Variants in RANBP2 observed in about 807,000 individuals in gnomAD.
RANBP2 encodes RAN binding protein 2, also known as E3 SUMO-protein ligase RanBP2.
In RANBP2, 57 loss-of-function variants were observed where a neutral mutation model predicts 303.6. The ratio of observed to expected loss-of-function variants is 0.19; its 90% CI spans 0.15 to 0.23. RANBP2 has a LOEUF of 0.23. Ranked by LOEUF, RANBP2 falls within the 10% of genes least tolerant of loss-of-function variation. RANBP2 has a pLI of 1.00. For synonymous variants in RANBP2, 1,167 were observed against 1,301.5 expected (o/e 0.90, Z 2.23); for missense variants, 3,138 against 3,780.8 (o/e 0.83, Z 4.46).
intron 26 of RANBP2, among the ~76,000 whole-genome samples, chr2:108,781,813 A>G (rs1678274588): frequency 6.6e-6 from 1 of 152,174 alleles, no homozygotes; most frequent in African/African-American, 2.4e-5. Flanking sequence ...TCATTTTTTA[A>G]CCTCAGTCAG....
rs149754019 is a variant in RANBP2, at chr2:108,740,512, T to C, written c.806T>C (p.Val269Ala). The change falls in exon 7 of 29, where the codon GTG (valine) becomes GCG (alanine). Residue 269 changes from valine to alanine, a missense_variant. Transcript: ENST00000283195. Reference sequence around the variant, plus strand: ...AGTTTTGATAGTGCTCTTCAGTCTGTGAAATCTTTGGGTGGAAATGATGAA... The same window carrying C: ...AGTTTTGATAGTGCTCTTCAGTCTGCGAAATCTTTGGGTGGAAATGATGAA... ...LQSFDSALQS[V>A]KSLGGNDELS... 31 of 1,597,354 alleles carry C rather than the reference T, an allele frequency of 1.9e-5. No homozygotes were observed. The highest frequency in any genetic ancestry group is 2.7e-5 in the African/African-American group (2 of 74,888).
chr2:109,048,860 C>A, the RANBP2 span, among the ~76,000 whole-genome samples: 1 of 152,186 alleles, frequency 6.6e-6, no homozygotes, highest in African/African-American at 2.4e-5. Flanking sequence ...CATGAAAACA[C>A]AGCTGAAGAG....
the RANBP2 span, among the ~76,000 whole-genome samples, chr2:109,387,338 C>T: frequency 6.6e-6 from 1 of 152,328 alleles, no homozygotes; most frequent in East Asian, 1.9e-4. Flanking sequence ...CTGTAGAGCC[C>T]TCCGGTTCCC....
chr2:109,116,348 C>T, the RANBP2 span, among the ~76,000 whole-genome samples: 2 of 152,078 alleles, frequency 1.3e-5, no homozygotes, highest in Non-Finnish European at 2.9e-5. Context: ...TCTTTTTTCT[C>T]TAAACTTCCC....
the RANBP2 span, among the ~76,000 whole-genome samples, chr2:108,836,419 G>A: frequency 6.6e-6 from 1 of 152,130 alleles, no homozygotes; most frequent in Non-Finnish European, 1.5e-5. Context: ...AGATATTTGG[G>A]CAGCTACCAT....
chr2:109,048,018 G>T, the RANBP2 span, among the ~76,000 whole-genome samples: 1 of 152,194 alleles, frequency 6.6e-6, no homozygotes, highest in Non-Finnish European at 1.5e-5. Context: ...TACTCCTCCT[G>T]CCGTTACTTC....
At chr2:109,139,472 G>A in the RANBP2 span, among the ~76,000 whole-genome samples, 3 of 152,272 alleles carry the variant, frequency 2.0e-5, no homozygotes, top group South Asian at 4.1e-4. Flanking sequence ...TATCCTGAGC[G>A]GCATCCCCCT....
At chr2:109,246,826 C>T in the RANBP2 span, among the ~76,000 whole-genome samples, 1 of 152,154 alleles carries the variant, frequency 6.6e-6, no homozygotes, top group Admixed American at 6.5e-5. Context: ...AGCTCATCCA[C>T]GTGCTTCTGT....
At chr2:108,943,430 C>T in the RANBP2 span, among the ~76,000 whole-genome samples, 1 of 152,194 alleles carries the variant, frequency 6.6e-6, no homozygotes, top group Non-Finnish European at 1.5e-5. Flanking sequence ...GATTAAACTG[C>T]AATCACACCG....
the RANBP2 span, chr2:109,501,842 C>T: frequency 5.1e-6 from 3 of 585,410 alleles, no homozygotes; most frequent in Non-Finnish European, 9.1e-6. Flanking sequence ...GTCGTGCCTT[C>T]TCCCAAAACC....
the RANBP2 span, among the ~76,000 whole-genome samples, chr2:109,697,601 C>T: frequency 1.3e-5 from 2 of 151,592 alleles, no homozygotes; most frequent in South Asian, 4.2e-4. Context: ...TGTCATTTTG[C>T]AAAATTCAAA....
At chr2:109,269,924 G>A in the RANBP2 span, among the ~76,000 whole-genome samples, 7 of 152,200 alleles carry the variant, frequency 4.6e-5, no homozygotes, top group East Asian at 1.9e-4. Flanking sequence ...AAAGCAAAAC[G>A]TAACTACTAC....
chr2:109,067,379 G>T, the RANBP2 span, among the ~76,000 whole-genome samples: 2 of 152,346 alleles, frequency 1.3e-5, no homozygotes, highest in African/African-American at 4.8e-5. Flanking sequence ...CGCCTCCAAA[G>T]ATAGCTACTG....
chr2:108,805,412 A>T, the RANBP2 span, among the ~76,000 whole-genome samples: 1 of 152,130 alleles, frequency 6.6e-6, no homozygotes, highest in Non-Finnish European at 1.5e-5. Context: ...CTGGTATCAC[A>T]TTGCAGTATA....
the RANBP2 span, among the ~76,000 whole-genome samples, chr2:109,305,318 G>A: frequency 2.0e-5 from 3 of 152,098 alleles, no homozygotes; most frequent in East Asian, 5.8e-4. Context: ...TTCCCTGAGA[G>A]GATGAAGCGC....
At chr2:109,349,023 C>G in the RANBP2 span, among the ~76,000 whole-genome samples, 1 of 151,992 alleles carries the variant, frequency 6.6e-6, no homozygotes, top group Non-Finnish European at 1.5e-5. Context: ...CAGTATTTCT[C>G]TCTCTCTCTC....
the RANBP2 span, among the ~76,000 whole-genome samples, chr2:108,824,381 G>A: frequency 6.7e-5 from 10 of 150,326 alleles, no homozygotes; most frequent in African/African-American, 1.2e-4. Context: ...TTACTTTCTC[G>A]ACTATTCTGT....
At chr2:109,695,236 C>T in the RANBP2 span, among the ~76,000 whole-genome samples, 23 of 152,150 alleles carry the variant, frequency 1.5e-4, 1 homozygote, top group East Asian at 4.4e-3. Flanking sequence ...ATATTGGCTG[C>T]TTTAAAACCC....
the RANBP2 span, among the ~76,000 whole-genome samples, chr2:108,877,555 A>C: frequency 6.6e-6 from 1 of 151,828 alleles, no homozygotes; most frequent in Non-Finnish European, 1.5e-5. Context: ...TAGGATTAGC[A>C]TGACAAGAAC....
Sources: gnomAD v4.1 joint callset for allele counts (sites outside exome capture counted in the v4.1 genomes callset) on GRCh38, gnomAD v4.1.1 for gene constraint, MANE v1.5 for transcripts, NCBI Gene and HGNC (gene_info 2026-07-23, HGNC 2026-07-21) for gene names.